Variants in STK32A observed in about 807,000 individuals in gnomAD.
STK32A encodes serine/threonine-protein kinase 32A.
STK32A carries 41 observed loss-of-function variants against 53.2 expected under a neutral mutation model. The ratio of observed to expected loss-of-function variants is 0.77; its 90% CI spans 0.60 to 1.00. STK32A has a LOEUF of 1.00. Among genes scored for constraint, STK32A ranks in the 50% least tolerant of loss-of-function variants. STK32A has a pLI of 0.00. For synonymous variants in STK32A, 166 were observed against 162.8 expected (o/e 1.02, Z -0.15); for missense variants, 458 against 485.8 (o/e 0.94, Z 0.54).
rs78723317 is a variant in STK32A at position 147,345,480 on chromosome 5, C to T, written c.472+2437C>T. Among the ~76,000 whole-genome samples the T allele has an allele frequency of 9.2e-3, 1,398 of 152,294 alleles. 23 individuals carry two copies. The highest frequency in any genetic ancestry group is 0.032 in the African/African-American group (1,313 of 41,558). ...TGTCTATGCTAACACATACCTAATA[C>T]GTACCAAATCTCTACCAGATAGAAT... On this transcript the variant is annotated intron_variant, in intron 6 of 12. Transcript: ENST00000397936.
At chr5:147,350,047 A>G (rs946242914) in intron 6 of STK32A, among the ~76,000 whole-genome samples, 2 of 151,322 alleles carry the variant, frequency 1.3e-5, no homozygotes, top group Admixed American at 6.6e-5. Flanking sequence ...GGAGGCGGAG[A>G]TTGCAGTGAG....
At chr5:147,310,653 T>C (rs572569513) in intron 4 of STK32A, among the ~76,000 whole-genome samples, 1 of 152,322 alleles carries the variant, frequency 6.6e-6, no homozygotes, top group East Asian at 1.9e-4. Flanking sequence ...GCACAAAAAG[T>C]ATTAACTTCT....
intron 6 of STK32A, among the ~76,000 whole-genome samples, chr5:147,350,692 T>A (rs1755928126): frequency 6.6e-6 from 1 of 152,120 alleles, no homozygotes; most frequent in South Asian, 2.1e-4. Context: ...AAAAAAATAA[T>A]CCCATAAGGG....
At chr5:147,289,623 A>T (rs950825520) in intron 4 of STK32A, among the ~76,000 whole-genome samples, 4 of 151,818 alleles carry the variant, frequency 2.6e-5, no homozygotes, top group African/African-American at 9.7e-5. Context: ...TATCATATAT[A>T]TGTATTATAT....
chr5:147,312,379 C>T (rs528812425), intron 4 of STK32A, among the ~76,000 whole-genome samples: 6 of 152,274 alleles, frequency 3.9e-5, no homozygotes, highest in Non-Finnish European at 8.8e-5. Context: ...GCTGGGATTA[C>T]AGGTGTGAAC....
rs74448014 is a variant in STK32A, at chr5:147,313,176, G to A, written c.261-10722G>A. ...GTTGAGCCTTGGAAGTGGAGGCTGC[G>A]GGGAACTATGAATATGCCACAGCAC... On this transcript the variant is annotated intron_variant, in intron 4 of 12. Coordinates refer to ENST00000397936, the MANE Select transcript of STK32A (RefSeq NM_001112724.2). Among the ~76,000 whole-genome samples the A allele has an allele frequency of 3.9e-3, 600 of 152,104 alleles. 6 individuals carry two copies. The highest frequency in any genetic ancestry group is 0.014 in the Middle Eastern group (4 of 294).
chr5:147,248,075 T>G lies in STK32A; in HGVS notation c.52+8389T>G, dbSNP rs942842330. 2.1e-5 allele frequency among the ~76,000 whole-genome samples: 3 copies of G among 145,216 alleles called. No homozygotes were observed. In the East Asian group the frequency reaches 6.0e-4, roughly 29 times the overall value. On this transcript the variant is annotated intron_variant, in intron 2 of 12. Transcript: ENST00000397936. The stretch of plus-strand genomic sequence containing the variant: ...GGCAGAGGTTGCGGTGAGCCCAGAT[T>G]GCACCATTGCACTCCAGCCGGGGCA...
At chr5:147,391,123 G>A (rs1228131454), downstream of STK32A, 3 of 152,578 alleles carry the variant, frequency 2.0e-5, no homozygotes. Flanking sequence ...AGAAAGCCTG[G>A]GAAGCTTGTG....
intron 8 of STK32A, among the ~76,000 whole-genome samples, chr5:147,370,244 T>G (rs570151639): frequency 6.6e-6 from 1 of 152,292 alleles, no homozygotes; most frequent in South Asian, 2.1e-4. Context: ...ATTCTGGATT[T>G]ACTTGCAATC....
In STK32A at chr5:147,383,426, A is replaced by G. The variant is rs140115539; in HGVS notation, c.1033-15A>G. ...CTAACTATACCTCTATTTTTTTTCT[A>G]CGTTCACCTGGAAGACATGTCTTCT... On this transcript the variant is annotated splice_polypyrimidine_tract_variant and intron_variant, in intron 11 of 12. Transcript: ENST00000397936. 2,727 of 1,584,136 alleles carry G rather than the reference A, an allele frequency of 1.7e-3. 54 individuals carry two copies. Among genetic ancestry groups the G allele is most frequent in the Non-Finnish European group, 2.1e-4 (249 of 1,164,080 alleles).
At chr5:147,302,951 A>G (rs1753211360) in intron 4 of STK32A, among the ~76,000 whole-genome samples, 1 of 152,098 alleles carries the variant, frequency 6.6e-6, no homozygotes, top group Non-Finnish European at 1.5e-5. Context: ...AGTACATGTT[A>G]TTTGGACCTA....
intron 2 of STK32A, among the ~76,000 whole-genome samples, chr5:147,275,138 G>A (rs538593864): frequency 2.6e-5 from 4 of 152,182 alleles, no homozygotes; most frequent in East Asian, 1.9e-4. Context: ...TATGTTTATA[G>A]TACTGTTAGA....
chr5:147,259,297 C>T (rs1421916080), intron 2 of STK32A, among the ~76,000 whole-genome samples: 2 of 152,018 alleles, frequency 1.3e-5, no homozygotes, highest in African/African-American at 4.8e-5. Context: ...ATGAGGTTTC[C>T]TCTAAAAGTT....
chr5:147,401,089 G>GTAC, the STK32A span, among the ~76,000 whole-genome samples: 3 of 152,182 alleles, frequency 2.0e-5, no homozygotes, highest in Non-Finnish European at 1.5e-5. Flanking sequence ...AATGAGCAAT[G>GTAC]TCATGATCCT....
intron 2 of STK32A, among the ~76,000 whole-genome samples, chr5:147,270,000 T>G (rs1400482013): frequency 6.6e-6 from 1 of 152,176 alleles, no homozygotes; most frequent in Non-Finnish European, 1.5e-5. Context: ...ATCAATTATG[T>G]AATTTAGTCT....
intron 2 of STK32A, among the ~76,000 whole-genome samples, chr5:147,277,190 A>G (rs1009444884): frequency 1.3e-5 from 2 of 152,232 alleles, no homozygotes; most frequent in Admixed American, 6.5e-5. Context: ...TATTTTCTGA[A>G]TAAACTTAAA....
chr5:147,396,956 A>T, the STK32A span, among the ~76,000 whole-genome samples: 1 of 112,366 alleles, frequency 8.9e-6, no homozygotes, highest in Non-Finnish European at 1.8e-5. Context: ...ATTTATACGC[A>T]TTTTTGTTTT....
At chr5:147,263,347 C>T (rs1754667564) in intron 2 of STK32A, among the ~76,000 whole-genome samples, 1 of 152,190 alleles carries the variant, frequency 6.6e-6, no homozygotes, top group Non-Finnish European at 1.5e-5. Flanking sequence ...GCCACATACT[C>T]AGAATGTCCA....
chr5:147,346,072 A>G (rs1410286503), intron 6 of STK32A, among the ~76,000 whole-genome samples: 1 of 152,184 alleles, frequency 6.6e-6, no homozygotes. Context: ...ACTCTCAGAC[A>G]TTACTCAAGG....
Sources: gnomAD v4.1 joint callset for allele counts (sites outside exome capture counted in the v4.1 genomes callset) on GRCh38, gnomAD v4.1.1 for gene constraint, MANE v1.5 for transcripts, NCBI Gene and HGNC (gene_info 2026-07-23, HGNC 2026-07-21) for gene names.